Variants in TAF4B observed in about 807,000 individuals in gnomAD.
The protein encoded by TAF4B is TATA-box binding protein associated factor 4b.
A neutral mutation model predicts 86.4 loss-of-function variants in TAF4B; 38 were observed. The ratio of observed to expected loss-of-function variants is 0.44; its 90% CI spans 0.34 to 0.58. The LOEUF is 0.58. Among genes scored for constraint, TAF4B ranks in the 20% least tolerant of loss-of-function variants. The pLI, the probability that TAF4B is intolerant of heterozygous loss-of-function variation, is 0.02. For synonymous variants in TAF4B, 388 were observed against 391.2 expected (o/e 0.99, Z 0.10); for missense variants, 988 against 1,027.6 (o/e 0.96, Z 0.53).
At chr18:26,322,703 TATTA>T (rs904709247) in intron 11 of TAF4B, among the ~76,000 whole-genome samples, 2 of 152,112 alleles carry the variant, frequency 1.3e-5, no homozygotes, top group South Asian at 2.1e-4. Flanking sequence ...CTTTTGGTTT[TATTA>T]ATTTTCTGTT....
At chr18:26,354,454 G>C (rs2057270197) in intron 13 of TAF4B, among the ~76,000 whole-genome samples, 1 of 152,196 alleles carries the variant, frequency 6.6e-6, no homozygotes, top group African/African-American at 2.4e-5. Flanking sequence ...CATAGAGGCT[G>C]GAAGATGGGG....
intron 6 of TAF4B, among the ~76,000 whole-genome samples, chr18:26,284,048 C>A (rs991080909): frequency 1.4e-5 from 2 of 147,186 alleles, no homozygotes; most frequent in Non-Finnish European, 3.0e-5. Context: ...AGTGAGACTC[C>A]GTCTCAAAAA....
chr18:26,249,059 C>T (rs1160532488), intron 1 of TAF4B, among the ~76,000 whole-genome samples: 1 of 151,454 alleles, frequency 6.6e-6, no homozygotes, highest in East Asian at 1.9e-4. Flanking sequence ...GTAATCCCAG[C>T]TACTCTGGAG....
At chr18:26,240,032 G>C (rs146229977) in intron 1 of TAF4B, among the ~76,000 whole-genome samples, 1 of 152,174 alleles carries the variant, frequency 6.6e-6, no homozygotes, top group Admixed American at 6.5e-5. Context: ...GATGCCTCCA[G>C]CTTTGTTCTT....
At chr18:26,337,396 A>G (rs1035000026) in intron 13 of TAF4B, among the ~76,000 whole-genome samples, 7 of 149,608 alleles carry the variant, frequency 4.7e-5, no homozygotes, top group African/African-American at 1.2e-4. Flanking sequence ...AATATTGACC[A>G]TATCTTTTTT....
chr18:26,376,974 A>G (rs1032378044), intron 14 of TAF4B, among the ~76,000 whole-genome samples: 1 of 152,006 alleles, frequency 6.6e-6, no homozygotes, highest in Non-Finnish European at 1.5e-5. Flanking sequence ...AAGGTGTATT[A>G]CATTGATTGA....
intron 1 of TAF4B, among the ~76,000 whole-genome samples, chr18:26,229,260 AGAGAG>A (rs1230844379): frequency 6.6e-6 from 1 of 152,160 alleles, no homozygotes; most frequent in African/African-American, 2.4e-5. Context: ...CCCATACAAA[AGAGAG>A]AAAGAAGATA....
chr18:26,357,878 T>A, intron 14 of TAF4B, 84 bp downstream of exon 14: 1 of 936,290 alleles, frequency 1.1e-6, no homozygotes. Flanking sequence ...TAGTTTACCC[T>A]GTTATGCACG....
intron 7 of TAF4B, 43 bp from the exon 8 acceptor site, chr18:26,292,203 G>A: frequency 6.3e-7 from 1 of 1,589,860 alleles, no homozygotes; most frequent in Admixed American, 1.8e-5. Context: ...CTTTTCTAAA[G>A]CCTTAAGTTG....
intron 1 of TAF4B, among the ~76,000 whole-genome samples, chr18:26,241,376 G>A (rs1423703839): frequency 6.6e-6 from 1 of 152,152 alleles, no homozygotes; most frequent in Non-Finnish European, 1.5e-5. Flanking sequence ...TTGCGTAGAG[G>A]AGTTTATAGT....
intron 14 of TAF4B, among the ~76,000 whole-genome samples, chr18:26,363,359 C>A (rs1433776238): frequency 4.2e-5 from 4 of 94,814 alleles, no homozygotes; most frequent in Non-Finnish European, 7.9e-5. Context: ...GTCACAAAAC[C>A]CTGTCTCTAC....
intron 7 of TAF4B, among the ~76,000 whole-genome samples, chr18:26,289,425 T>G (rs2056565417): frequency 6.6e-6 from 1 of 152,236 alleles, no homozygotes; most frequent in African/African-American, 2.4e-5. Flanking sequence ...ATCATGGATT[T>G]AAAAATTCCT....
intron 13 of TAF4B, among the ~76,000 whole-genome samples, chr18:26,354,560 A>G (rs1331216316): frequency 1.3e-5 from 2 of 152,198 alleles, no homozygotes; most frequent in Non-Finnish European, 2.9e-5. Flanking sequence ...AGGCCATCCT[A>G]TGGCTTGAGC....
At chr18:26,371,840 A>G (rs987244042) in intron 14 of TAF4B, among the ~76,000 whole-genome samples, 4 of 152,198 alleles carry the variant, frequency 2.6e-5, no homozygotes, top group Non-Finnish European at 5.9e-5. Flanking sequence ...TCTTGAGGAA[A>G]GACCCTGCCT....
chr18:26,284,345 C>T (rs1481214068), intron 6 of TAF4B, among the ~76,000 whole-genome samples: 1 of 152,216 alleles, frequency 6.6e-6, no homozygotes, highest in Non-Finnish European at 1.5e-5. Context: ...TCCATGTCAA[C>T]AATAAGACTG....
intron 14 of TAF4B, among the ~76,000 whole-genome samples, chr18:26,381,994 A>G (rs1429376746): frequency 1.3e-5 from 2 of 151,476 alleles, no homozygotes; most frequent in African/African-American, 4.9e-5. Flanking sequence ...TTTTTCTATC[A>G]GCCTGTATGC....
rs57272091 is a variant in TAF4B, at chr18:26,300,307, TTTA to T, written c.1832+6804_1832+6806del. 7.8e-4 allele frequency among the ~76,000 whole-genome samples: 113 copies of T among 145,386 alleles called. 1 individual carries two copies. Among genetic ancestry groups the T allele is most frequent in the East Asian group, 2.8e-3 (14 of 5,070 alleles). On this transcript the variant is annotated intron_variant, in intron 9 of 14. Coordinates refer to ENST00000269142, the MANE Select transcript of TAF4B (RefSeq NM_005640.3). Reference sequence around the variant, plus strand: ...CCTGGCTTGTTTTCTAATGTAGGCATTTATTATTATTATTATTATTATTATTAT... The same window carrying T: ...CCTGGCTTGTTTTCTAATGTAGGCATTTATTATTATTATTATTATTATTAT...
intron 12 of TAF4B, among the ~76,000 whole-genome samples, chr18:26,331,234 C>T (rs1044077114): frequency 5.5e-5 from 7 of 127,598 alleles, no homozygotes; most frequent in Non-Finnish European, 1.2e-4. Context: ...TATTTTATTT[C>T]CACTTACTGT....
chr18:26,246,848 T>C (rs1432635574), intron 1 of TAF4B, among the ~76,000 whole-genome samples: 1 of 151,644 alleles, frequency 6.6e-6, no homozygotes, highest in Non-Finnish European at 1.5e-5. Flanking sequence ...TCATTCTTTT[T>C]TTTTTCTTTT....
Sources: gnomAD v4.1 joint callset for allele counts (sites outside exome capture counted in the v4.1 genomes callset) on GRCh38, gnomAD v4.1.1 for gene constraint, MANE v1.5 for transcripts, NCBI Gene and HGNC (gene_info 2026-07-23, HGNC 2026-07-21) for gene names.